The following CACNB4 variants were observed in gnomAD, a reference collection of about 807,000 sequenced individuals.
The protein encoded by CACNB4 is voltage-dependent L-type calcium channel subunit beta-4.
A neutral mutation model predicts 71.2 loss-of-function variants in CACNB4; 32 were observed. The observed-to-expected ratio is 0.45, with a 90% confidence interval of 0.34 to 0.60. The LOEUF is 0.60. Among genes scored for constraint, CACNB4 ranks in the 20% least tolerant of loss-of-function variants. The pLI, the probability that CACNB4 is intolerant of heterozygous loss-of-function variation, is 0.01. For synonymous variants in CACNB4, 231 were observed against 236.9 expected, an observed-to-expected ratio of 0.97 and a Z score of 0.23; for missense variants, 464 against 647.9, an observed-to-expected ratio of 0.72 and a Z score of 3.08.
chr2:151,892,747 A>T (rs1390860501), intron 2 of CACNB4, among the ~76,000 whole-genome samples: 1 of 152,186 alleles, frequency 6.6e-6, no homozygotes, highest in Non-Finnish European at 1.5e-5. Context: ...ACAAAGCTTC[A>T]TAGGAGCTCA....
Position 151,869,181 on chromosome 2 carries a change from C to A in CACNB4, c.754G>T (p.Gly252Trp). The A allele has an allele frequency of 6.5e-7, 1 of 1,541,404 alleles. No homozygotes were observed. The highest frequency in any genetic ancestry group is 8.9e-7 in the Non-Finnish European group (1 of 1,129,478). Reference protein sequence around the residue: ...LFDFLKHRFDGRISITRVTAD... With the variant: ...LFDFLKHRFDWRISITRVTAD... ...AAAAACATCTATATTTCTCACCTCC[C>A]ATCAAACCTGTGCTTCAGGAAATCA... is the stretch of plus-strand genomic sequence containing the variant. The change falls in exon 9 of 14, where the codon GGG becomes TGG. Residue 252 changes from glycine (G) to tryptophan (W), a missense_variant. By Grantham distance (184) the Gly-to-Trp change is radical. Coordinates refer to ENST00000539935, the MANE Select transcript of CACNB4 (RefSeq NM_000726.5).
chr2:152,074,323 C>A (rs1686873796), intron 2 of CACNB4, among the ~76,000 whole-genome samples: 1 of 151,922 alleles, frequency 6.6e-6, no homozygotes, highest in South Asian at 2.1e-4. Context: ...TCGCCGCCAC[C>A]AGCACCCTCA....
chr2:151,900,588 C>A (rs970067314), intron 2 of CACNB4, among the ~76,000 whole-genome samples: 3 of 152,150 alleles, frequency 2.0e-5, no homozygotes, highest in Non-Finnish European at 4.4e-5. Context: ...CAGATCACAG[C>A]AAATCAGGAA....
At chr2:152,054,540 T>C (rs1236902592) in intron 2 of CACNB4, among the ~76,000 whole-genome samples, 1 of 152,330 alleles carries the variant, frequency 6.6e-6, no homozygotes, top group East Asian at 1.9e-4. Context: ...AAAAACATTC[T>C]TGTATAGGCT....
chr2:152,063,280 TA>T (rs2105340200), intron 2 of CACNB4, among the ~76,000 whole-genome samples: 1 of 152,312 alleles, frequency 6.6e-6, no homozygotes, highest in Admixed American at 6.5e-5. Flanking sequence ...TAGGAATTGG[TA>T]AATTAAAGAT....
intron 12 of CACNB4, chr2:151,852,171 C>G (rs1182882189): frequency 1.3e-5 from 2 of 152,180 alleles, no homozygotes; most frequent in Admixed American, 6.5e-5. Context: ...CGTTTAATGT[C>G]TCTGTTTTCA....
intron 2 of CACNB4, among the ~76,000 whole-genome samples, chr2:152,015,424 C>T (rs924613561): frequency 2.0e-5 from 3 of 152,194 alleles, no homozygotes; most frequent in African/African-American, 4.8e-5. Context: ...AGCCACCATG[C>T]CCAGCCAAAA....
At chr2:152,032,549 G>C (rs1453105644) in intron 2 of CACNB4, among the ~76,000 whole-genome samples, 1 of 151,994 alleles carries the variant, frequency 6.6e-6, no homozygotes, top group East Asian at 1.9e-4. Flanking sequence ...ATATTACCGA[G>C]ACATTTTAAT....
intron 2 of CACNB4, among the ~76,000 whole-genome samples, chr2:151,957,301 T>TCC (rs1553791574): frequency 4.0e-5 from 6 of 151,108 alleles, no homozygotes; most frequent in African/African-American, 1.2e-4. Context: ...TGTGTGTGTG[T>TCC]CCCTTGGGAA....
intron 2 of CACNB4, among the ~76,000 whole-genome samples, chr2:151,995,840 A>G (rs980513924): frequency 6.6e-6 from 1 of 152,256 alleles, no homozygotes; most frequent in Admixed American, 6.5e-5. Flanking sequence ...TTCTCCTGAG[A>G]CAAGGCAAAC....
chr2:152,083,372 GGGAGGGAA>G (rs1261288571), intron 2 of CACNB4, among the ~76,000 whole-genome samples: 7 of 151,912 alleles, frequency 4.6e-5, no homozygotes, highest in African/African-American at 9.7e-5. Context: ...AAGGAAGGGA[GGGAGGGAA>G]GGAGGGAAGG....
At chr2:151,971,256 C>T in intron 2 of CACNB4, 1 of 544,502 alleles carries the variant, frequency 1.8e-6, no homozygotes, top group Non-Finnish European at 3.3e-6. Context: ...AAAATTGTCC[C>T]TAGGCAAGAT....
At chr2:151,847,468 TAATC>T (rs1638993394) in intron 12 of CACNB4, among the ~76,000 whole-genome samples, 1 of 152,188 alleles carries the variant, frequency 6.6e-6, no homozygotes, top group African/African-American at 2.4e-5. Context: ...ATTATAAAAA[TAATC>T]AACCCAATGG....
chr2:152,097,809 C>T (rs1274788593), intron 2 of CACNB4, among the ~76,000 whole-genome samples: 1 of 152,208 alleles, frequency 6.6e-6, no homozygotes, highest in East Asian at 1.9e-4. Flanking sequence ...AGAAGCGGTC[C>T]TAAAGTGAGA....
At chr2:152,043,890 C>T (rs1425868208) in intron 2 of CACNB4, among the ~76,000 whole-genome samples, 3 of 152,046 alleles carry the variant, frequency 2.0e-5, no homozygotes, top group African/African-American at 4.8e-5. Flanking sequence ...ACATTTGATT[C>T]TATCAGATTT....
At chr2:151,842,410 A>C (rs571624657) in intron 12 of CACNB4, among the ~76,000 whole-genome samples, 1 of 144,496 alleles carries the variant, frequency 6.9e-6, no homozygotes, top group Admixed American at 7.2e-5. Flanking sequence ...GGCTCAATGC[A>C]ACCTCTGTCC....
intron 2 of CACNB4, among the ~76,000 whole-genome samples, chr2:151,896,522 C>T (rs1029318876): frequency 6.6e-6 from 1 of 152,136 alleles, no homozygotes; most frequent in Non-Finnish European, 1.5e-5. Flanking sequence ...CCTCGTTTGA[C>T]TTTTGTGGCC....
At chr2:152,090,986 G>A (rs1687940301) in intron 2 of CACNB4, among the ~76,000 whole-genome samples, 3 of 151,818 alleles carry the variant, frequency 2.0e-5, no homozygotes, top group African/African-American at 2.4e-5. Flanking sequence ...AGAGATTTCA[G>A]TGAGCTGAGA....
At chr2:151,953,291 C>T (rs753906466) in intron 2 of CACNB4, among the ~76,000 whole-genome samples, 3 of 152,118 alleles carry the variant, frequency 2.0e-5, no homozygotes, top group Non-Finnish European at 4.4e-5. Context: ...CGGCCATGTC[C>T]GACACCAGCA....
Sources: gnomAD v4.1 joint callset for allele counts (sites outside exome capture counted in the v4.1 genomes callset) on GRCh38, gnomAD v4.1.1 for gene constraint, MANE v1.5 for transcripts, NCBI Gene and HGNC (gene_info 2026-07-23, HGNC 2026-07-21) for gene names.